The following RABL3 variants were observed in gnomAD, a reference collection of about 807,000 sequenced individuals.
The protein encoded by RABL3 is rab-like protein 3.
A neutral mutation model predicts 31.8 loss-of-function variants in RABL3; 31 were observed. The observed-to-expected ratio is 0.97, with a 90% CI of 0.73 to 1.31. The LOEUF is 1.31. RABL3 is among the 40% of genes most tolerant of loss of function. The probability of loss-of-function intolerance (pLI) is 0.00; values close to 1 mark genes in which losing one functional copy is unlikely to be tolerated. For missense variants in RABL3, 263 were observed against 279.6 expected (o/e 0.94, Z 0.42); for synonymous variants, 97 against 99.9 (o/e 0.97, Z 0.18).
chr3:120,720,683 C>A (rs138796498), intron 2 of RABL3, among the ~76,000 whole-genome samples: 29 of 152,230 alleles, frequency 1.9e-4, no homozygotes, highest in Non-Finnish European at 3.4e-4. Flanking sequence ...TATGGGACTA[C>A]GTGAAAAGAC....
At chr3:120,692,403 C>G (rs1298736600) in intron 6 of RABL3, among the ~76,000 whole-genome samples, 1 of 152,144 alleles carries the variant, frequency 6.6e-6, no homozygotes, top group Non-Finnish European at 1.5e-5. Flanking sequence ...TTTCACCATG[C>G]TAGCCATGAT....
chr3:120,684,949 T>G lies in RABL3; in HGVS notation c.*4874A>C, dbSNP rs1017345571. Among the ~76,000 whole-genome samples, 1 of 152,252 alleles carries G rather than the reference T, an allele frequency of 6.6e-6. No homozygotes were observed. The highest frequency in any genetic ancestry group is 2.4e-5 in the African/African-American group (1 of 41,464). The stretch of plus-strand genomic sequence containing the variant: ...CAGCTACAGATAAGTTCTGATTCTA[T>G]GTCTAATGGCTTTCCATTTTAATTA... On this transcript the variant is annotated 3_prime_UTR_variant, in exon 8 of 8. Transcript: ENST00000273375.
intron 2 of RABL3, among the ~76,000 whole-genome samples, chr3:120,713,060 C>A (rs1022797222): frequency 9.9e-5 from 15 of 151,918 alleles, no homozygotes; most frequent in East Asian, 5.8e-4. Context: ...ATTTCAAGTA[C>A]CTAATGTTGC....
chr3:120,729,196 T>C (rs1316335554), intron 2 of RABL3, among the ~76,000 whole-genome samples: 1 of 152,092 alleles, frequency 6.6e-6, no homozygotes, highest in Non-Finnish European at 1.5e-5. Flanking sequence ...AGAAGATAAA[T>C]AGTCCACAAG....
intron 3 of RABL3, among the ~76,000 whole-genome samples, chr3:120,708,274 T>C (rs1319637578): frequency 1.3e-5 from 2 of 151,932 alleles, no homozygotes; most frequent in Non-Finnish European, 2.9e-5. Context: ...AAAATCAACA[T>C]AGGATATATG....
chr3:120,709,668 T>C (rs1708589858), intron 3 of RABL3, 112 bp downstream of exon 3: 1 of 766,656 alleles, frequency 1.3e-6, no homozygotes, highest in South Asian at 2.0e-5. Context: ...GGGTTGTGAG[T>C]ACATTATATC....
chr3:120,726,169 G>A (rs1169874583), intron 2 of RABL3, among the ~76,000 whole-genome samples: 1 of 151,994 alleles, frequency 6.6e-6, no homozygotes, highest in Non-Finnish European at 1.5e-5. Flanking sequence ...GAGACTAGCA[G>A]TATTTCCTAT....
intron 2 of RABL3, among the ~76,000 whole-genome samples, chr3:120,726,170 T>G (rs1032999941): frequency 3.3e-5 from 5 of 152,066 alleles, no homozygotes; most frequent in Non-Finnish European, 7.4e-5. Context: ...AGACTAGCAG[T>G]ATTTCCTATT....
intron 3 of RABL3, among the ~76,000 whole-genome samples, chr3:120,708,684 T>C (rs1240951057): frequency 6.6e-6 from 1 of 152,056 alleles, no homozygotes; most frequent in Admixed American, 6.5e-5. Flanking sequence ...ATTCTATTCA[T>C]ATATACCATT....
At chr3:120,742,387 G>A (rs1709056841) in intron 1 of RABL3, 75 bp downstream of exon 1, 4 of 1,403,690 alleles carry the variant, frequency 2.8e-6, no homozygotes, top group Non-Finnish European at 3.0e-6. Context: ...GGAAGTTGAG[G>A]GAAGGAAGCT....
intron 3 of RABL3, among the ~76,000 whole-genome samples, chr3:120,708,362 G>C (rs1222273579): frequency 6.6e-6 from 1 of 151,992 alleles, no homozygotes; most frequent in Non-Finnish European, 1.5e-5. Context: ...ATATAGATTA[G>C]ATGGATTTCT....
chr3:120,705,107 T>C lies in RABL3; in HGVS notation c.383+893A>G, dbSNP rs184737613. On this transcript the variant is annotated intron_variant, in intron 4 of 7. Coordinates refer to ENST00000273375, the MANE Select transcript of RABL3 (RefSeq NM_173825.5). ...ATTTTGGTATAAATCTAATAAAACA[T>C]GCACAGGATTTGTATGCTGAAAACT... Among the ~76,000 whole-genome samples the C allele has an allele frequency of 3.8e-3, 575 of 152,214 alleles. 4 individuals are homozygous for C. The highest frequency in any genetic ancestry group is 7.1e-3 in the Non-Finnish European group (482 of 68,004).
chr3:120,689,703 T>C lies in RABL3; in HGVS notation c.*120A>G. On this transcript the variant is annotated 3_prime_UTR_variant, in exon 8 of 8. Transcript: ENST00000273375. Reference sequence around the variant, plus strand: ...TCATTTTTCCATTAAAGGGTAAGGCTGAAGGGTAGCATTTTAAGATGATTT... The same window carrying C: ...TCATTTTTCCATTAAAGGGTAAGGCCGAAGGGTAGCATTTTAAGATGATTT... The C allele has an allele frequency of 1.3e-6, 1 of 745,196 alleles. No individual in the cohort carries two copies. The highest frequency in any genetic ancestry group is 2.3e-6 in the Non-Finnish European group (1 of 428,776). The allele number at this position is 745,196 out of a possible 1,614,324, so 46.2% of individuals were successfully genotyped here.
intron 1 of RABL3, among the ~76,000 whole-genome samples, chr3:120,739,041 C>A (rs757482728): frequency 6.6e-6 from 1 of 152,144 alleles, no homozygotes; most frequent in Non-Finnish European, 1.5e-5. Context: ...TCAACAGTAT[C>A]ATGTAGTTGG....
intron 1 of RABL3, among the ~76,000 whole-genome samples, chr3:120,731,637 G>T (rs1478923696): frequency 6.6e-6 from 1 of 152,278 alleles, no homozygotes; most frequent in African/African-American, 2.4e-5. Flanking sequence ...GACAAGCATG[G>T]TTGGTATCTT....
intron 4 of RABL3, among the ~76,000 whole-genome samples, chr3:120,702,560 C>CTT (rs977105954): frequency 7.1e-5 from 10 of 140,946 alleles, no homozygotes; most frequent in Admixed American, 2.1e-4. Context: ...GGAAATTTTT[C>CTT]TTTTTTTTTT....
intron 1 of RABL3, among the ~76,000 whole-genome samples, chr3:120,735,117 T>C (rs1430403568): frequency 6.6e-6 from 1 of 152,224 alleles, no homozygotes; most frequent in Non-Finnish European, 1.5e-5. Context: ...TCAGAAGGAA[T>C]GGTACCAGCT....
intron 2 of RABL3, among the ~76,000 whole-genome samples, chr3:120,727,738 C>A (rs1708838977): frequency 6.6e-6 from 1 of 152,058 alleles, no homozygotes; most frequent in Non-Finnish European, 1.5e-5. Flanking sequence ...ATGAAAAGAG[C>A]AGCACAAGAC....
In RABL3 at chr3:120,687,413, G is replaced by A. The variant is rs1708323724; in HGVS notation, c.*2410C>T. ...TCCTCCTGCCTCAGTCTCCTAGAGT[G>A]CTGGGATTATAGGCGTGAGCCAGCA... is the stretch of plus-strand genomic sequence containing the variant. On this transcript the variant is annotated 3_prime_UTR_variant, in exon 8 of 8. Coordinates refer to ENST00000273375, the MANE Select transcript of RABL3 (RefSeq NM_173825.5). 6.6e-6 allele frequency: 1 copy of A among 152,146 alleles called. No homozygotes were observed. Among genetic ancestry groups the A allele is most frequent in the Non-Finnish European group, 1.5e-5 (1 of 68,034 alleles). 9.4% of individuals were successfully genotyped at this position (152,146 alleles called of 1,614,324 possible).
Sources: gnomAD v4.1 joint callset for allele counts (sites outside exome capture counted in the v4.1 genomes callset) on GRCh38, gnomAD v4.1.1 for gene constraint, MANE v1.5 for transcripts, NCBI Gene and HGNC (gene_info 2026-07-23, HGNC 2026-07-21) for gene names.